ZFYVE9: variants seen among roughly 807,000 people sequenced by gnomAD.
ZFYVE9 encodes zinc finger FYVE domain-containing protein 9.
In ZFYVE9, 43 loss-of-function variants were observed where a neutral mutation model predicts 126.7. The ratio of observed to expected loss-of-function variants is 0.34; its 90% CI spans 0.27 to 0.44. The LOEUF (loss-of-function observed/expected upper bound fraction) is 0.44. Ranked by LOEUF, ZFYVE9 falls within the 20% of genes least tolerant of loss-of-function variation. The pLI is 1.00. For missense variants in ZFYVE9, 1,476 were observed against 1,697.0 expected, an observed-to-expected ratio of 0.87 and a Z score of 2.29; for synonymous variants, 521 against 597.4, an observed-to-expected ratio of 0.87 and a Z score of 1.87.
intron 12 of ZFYVE9, among the ~76,000 whole-genome samples, chr1:52,302,265 T>C (rs1646042846): frequency 6.6e-6 from 1 of 152,224 alleles, no homozygotes; most frequent in Admixed American, 6.5e-5. Flanking sequence ...TTCTTGAGCT[T>C]TTTTTGCAAG....
intron 13 of ZFYVE9, among the ~76,000 whole-genome samples, chr1:52,322,355 G>A (rs1376902796): frequency 6.7e-6 from 1 of 148,780 alleles, no homozygotes. Context: ...TGTTTTTAAT[G>A]TAGCAGCCTA....
chr1:52,265,219 G>A (rs942635362), intron 5 of ZFYVE9, among the ~76,000 whole-genome samples: 2 of 151,968 alleles, frequency 1.3e-5, no homozygotes, highest in African/African-American at 2.4e-5. Context: ...GGCTTAGCCC[G>A]GTCTTTTTCT....
At chr1:52,200,658 A>G (rs1194029281) in intron 1 of ZFYVE9, among the ~76,000 whole-genome samples, 1 of 152,168 alleles carries the variant, frequency 6.6e-6, no homozygotes. Context: ...TTTCTGATTC[A>G]TTTTGAGTTA....
At chr1:52,273,070 G>T (rs149851179) in intron 7 of ZFYVE9, among the ~76,000 whole-genome samples, 29 of 152,164 alleles carry the variant, frequency 1.9e-4, no homozygotes, top group Non-Finnish European at 3.4e-4. Context: ...GCAATGGTGC[G>T]ATCTTAGCTC....
At chr1:52,189,198 A>G (rs1220552013) in intron 1 of ZFYVE9, among the ~76,000 whole-genome samples, 3 of 150,898 alleles carry the variant, frequency 2.0e-5, no homozygotes, top group Admixed American at 2.0e-4. Context: ...TAGCCTCCCA[A>G]AGTGCTAGGA....
intron 14 of ZFYVE9, among the ~76,000 whole-genome samples, chr1:52,334,080 G>T (rs576173059): frequency 6.8e-6 from 1 of 147,260 alleles, no homozygotes; most frequent in South Asian, 2.1e-4. Context: ...GTGACAGAGC[G>T]AGACTCCGTC....
chr1:52,177,290 C>T (rs1188277155), intron 1 of ZFYVE9, among the ~76,000 whole-genome samples: 1 of 152,116 alleles, frequency 6.6e-6, no homozygotes, highest in Non-Finnish European at 1.5e-5. Flanking sequence ...GCTGGGATTA[C>T]AGGCATGAGC....
At chr1:52,322,264 A>G (rs542386789) in intron 13 of ZFYVE9, among the ~76,000 whole-genome samples, 12 of 151,876 alleles carry the variant, frequency 7.9e-5, no homozygotes, top group Non-Finnish European at 1.6e-4. Context: ...CTGCCTCTCA[A>G]TCCTGGGACC....
Position 52,346,611 on chromosome 1 carries a change from G to T in ZFYVE9, c.*390G>T. 1 of 400,626 alleles carries T rather than the reference G, an allele frequency of 2.5e-6. No individual in the cohort carries two copies. Among genetic ancestry groups the T allele is most frequent in the South Asian group, 1.3e-4 (1 of 7,976 alleles). 24.8% of individuals were successfully genotyped at this position (400,626 alleles called of 1,614,324 possible). A position where few individuals can be genotyped will look rare whatever the true frequency, so the allele number is the denominator to read the frequency against. On this transcript the variant is annotated 3_prime_UTR_variant, in exon 19 of 19. Transcript: ENST00000287727. The stretch of plus-strand genomic sequence containing the variant: ...ACCAAGGGTGGGATGGGAGGGCAGA[G>T]GGGAAATAAAATATAAAGCATCAGT...
chr1:52,311,547 GAGCCACCACTCCC>G lies in ZFYVE9; in HGVS notation c.3438+7626_3438+7638del, dbSNP rs1452286480. 3.9e-5 allele frequency among the ~76,000 whole-genome samples: 6 copies of G among 152,054 alleles called. No homozygotes were observed. In the East Asian group the frequency reaches 1.2e-3, roughly 29 times the overall value. On this transcript the variant is annotated intron_variant, in intron 13 of 18. Transcript: ENST00000287727. ...CCCAAAGTGCTGGGATTATAGGCGT[GAGCCACCACTCCC>G]AGCTGGATTGATGTTTAATTACTAG...
At chr1:52,169,726 A>G (rs897296329) in intron 1 of ZFYVE9, among the ~76,000 whole-genome samples, 44 of 152,198 alleles carry the variant, frequency 2.9e-4, no homozygotes, top group Non-Finnish European at 3.4e-4. Flanking sequence ...GTGCTCAAGT[A>G]TTGGTTGAGT....
Position 52,179,977 on chromosome 1 carries a change from AGGAAGAT to A in ZFYVE9, c.-142-36391_-142-36385del. 4.2e-6 allele frequency: 4 copies of A among 955,202 alleles called. No homozygotes were observed. In the Admixed American group the frequency reaches 6.8e-5, roughly 16 times the overall value. The allele number at this position is 955,202 out of a possible 1,614,324, so 59.2% of individuals were successfully genotyped here. ...CTCCAGCAGTCAGTCGTGACAACAT[AGGAAGAT>A]ATGACTTTGGAAGAGCTGGAGGATC... On this transcript the variant is annotated intron_variant, in intron 1 of 18. Coordinates refer to ENST00000287727, the MANE Select transcript of ZFYVE9 (RefSeq NM_004799.4).
At chr1:52,260,442 A>G (rs182475932) in intron 4 of ZFYVE9, among the ~76,000 whole-genome samples, 78 of 152,136 alleles carry the variant, frequency 5.1e-4, no homozygotes, top group African/African-American at 1.7e-3. Context: ...GGTTTCCCAA[A>G]TCCATTCTTA....
intron 1 of ZFYVE9, among the ~76,000 whole-genome samples, chr1:52,163,316 A>T (rs1009987967): frequency 3.3e-5 from 5 of 152,152 alleles, no homozygotes; most frequent in Admixed American, 1.3e-4. Context: ...TCTCCTCTAC[A>T]TCACTCATGT....
chr1:52,266,750 G>C lies in ZFYVE9; in HGVS notation c.2374G>C (p.Ala792Pro). The part of the protein sequence containing the change: ...YCSTIPPLQQ[A>P]QASGALSSPP... ...TTCTACTATCCCTCCCTTGCAGCAA[G>C]CTCAGGCCTCAGGAGCTCTGAGCTC... Residue 792 changes from alanine to proline, a missense_variant, in exon 6 of 19, where the codon GCT (alanine) becomes CCT (proline). By Grantham distance (27) the Ala-to-Pro change is conservative. Coordinates refer to ENST00000287727, the MANE Select transcript of ZFYVE9 (RefSeq NM_004799.4). 6.2e-7 allele frequency: 1 copy of C among 1,612,480 alleles called. No individual in the cohort carries two copies. Among genetic ancestry groups the C allele is most frequent in the Non-Finnish European group, 8.5e-7 (1 of 1,179,358 alleles).
intron 1 of ZFYVE9, among the ~76,000 whole-genome samples, chr1:52,174,833 C>T (rs1327943571): frequency 6.6e-6 from 1 of 151,932 alleles, no homozygotes; most frequent in African/African-American, 2.4e-5. Flanking sequence ...CAACCCCTGC[C>T]TTTTTTTGTT....
At chr1:52,154,380 C>T (rs1644383073) in intron 1 of ZFYVE9, among the ~76,000 whole-genome samples, 1 of 152,138 alleles carries the variant, frequency 6.6e-6, no homozygotes, top group Non-Finnish European at 1.5e-5. Context: ...TCAGAGTTGG[C>T]CTTGGTAAAT....
rs1012934168 is a variant in ZFYVE9, at chr1:52,187,671, T to C, written c.-142-28698T>C. 2.6e-5 allele frequency among the ~76,000 whole-genome samples: 4 copies of C among 152,124 alleles called. No individual in the cohort carries two copies. In the East Asian group the frequency reaches 7.7e-4, roughly 29 times the overall value. ...CATGAACACTTTTCAAAAGAAGACATACATGTGCGACCAACAAGCATATGA... is the reference window on the plus strand; with the variant it reads ...CATGAACACTTTTCAAAAGAAGACACACATGTGCGACCAACAAGCATATGA... On this transcript the variant is annotated intron_variant, in intron 1 of 18. Coordinates refer to ENST00000287727, the MANE Select transcript of ZFYVE9 (RefSeq NM_004799.4).
At chr1:52,184,907 C>T (rs1644750417) in intron 1 of ZFYVE9, among the ~76,000 whole-genome samples, 1 of 152,108 alleles carries the variant, frequency 6.6e-6, no homozygotes, top group African/African-American at 2.4e-5. Context: ...GTAATCCCAG[C>T]ACTTTGGGAG....
Sources: allele counts gnomAD v4.1 joint callset (sites outside exome capture counted in the v4.1 genomes callset), GRCh38; gene constraint gnomAD v4.1.1; transcripts MANE v1.5; gene names NCBI Gene and HGNC (gene_info 2026-07-23, HGNC 2026-07-21).